OSBPL9: variants seen among roughly 807,000 people sequenced by gnomAD.
The protein encoded by OSBPL9 is oxysterol-binding protein-related protein 9.
Under a neutral mutation model 106.6 loss-of-function variants are expected in OSBPL9, and 40 were observed. The observed-to-expected ratio is 0.38, with a 90% CI of 0.29 to 0.49. OSBPL9 has a LOEUF of 0.49. OSBPL9 is among the 20% of genes least tolerant of loss of function. OSBPL9 has a pLI of 0.97. For synonymous variants in OSBPL9, 269 were observed against 295.4 expected (o/e 0.91, Z 0.92); for missense variants, 609 against 887.2 (o/e 0.69, Z 3.98).
Position 51,602,018 on chromosome 1 carries a change from C to CTTTTTTTTTTTTTTTTTT in OSBPL9, c.-353+3828_-353+3845dup, listed in dbSNP as rs758760414. Among the ~76,000 whole-genome samples, 60 of 76,398 alleles carry CTTTTTTTTTTTTTTTTTT rather than the reference C, an allele frequency of 7.9e-4. 11 individuals are homozygous for CTTTTTTTTTTTTTTTTTT. Among genetic ancestry groups the CTTTTTTTTTTTTTTTTTT allele is most frequent in the Non-Finnish European group, 9.3e-4 (41 of 44,194 alleles). 50.1% of individuals were successfully genotyped at this position (76,398 alleles called of 152,430 possible). On this transcript the variant is annotated intron_variant, in intron 2 of 25. Coordinates refer to the OSBPL9 transcript ENST00000371714. ...AGTCAATTGTTCCATTCTTGGGGTT[C>CTTTTTTTTTTTTTTTTTT]TTTTTTTTTTTTTTTTTTTTGAGAC...
intron 1 of OSBPL9, among the ~76,000 whole-genome samples, chr1:51,585,552 C>G (rs1453400304): frequency 6.6e-6 from 1 of 152,054 alleles, no homozygotes; most frequent in Non-Finnish European, 1.5e-5. Context: ...CCGAGGAAGG[C>G]AGATCACAAG....
At chr1:51,700,855 G>A (rs1043858699) in intron 3 of OSBPL9, among the ~76,000 whole-genome samples, 5 of 152,040 alleles carry the variant, frequency 3.3e-5, no homozygotes, top group African/African-American at 9.7e-5. Flanking sequence ...TTAGCCATTA[G>A]TGGATCTTGC....
At chr1:51,591,352 G>A (rs555890879) in intron 1 of OSBPL9, among the ~76,000 whole-genome samples, 3 of 152,248 alleles carry the variant, frequency 2.0e-5, no homozygotes, top group African/African-American at 2.4e-5. Flanking sequence ...GATTACAGGC[G>A]TGAGCCACCA....
the OSBPL9 span, among the ~76,000 whole-genome samples, chr1:51,549,726 G>A: frequency 9.8e-5 from 15 of 152,328 alleles, no homozygotes; most frequent in East Asian, 7.7e-4. Context: ...CAAGCTACTC[G>A]GGAGGCTGAG....
chr1:51,788,847 T>TATCTA lies in OSBPL9; in HGVS notation c.*1059_*1063dup, dbSNP rs1553199236. On this transcript the variant is annotated 3_prime_UTR_variant, in exon 24 of 24. Transcript: ENST00000428468. ...AGGGAAATACAGAACTATATCTATC[T>TATCTA]ATCTATCTATCATCTTTTTTATTTA... Among the ~76,000 whole-genome samples, 2 of 148,296 alleles carry TATCTA rather than the reference T, an allele frequency of 1.3e-5. No homozygotes were observed. Among genetic ancestry groups the TATCTA allele is most frequent in the African/African-American group, 2.6e-5 (1 of 37,922 alleles).
intron 3 of OSBPL9, among the ~76,000 whole-genome samples, chr1:51,677,197 A>G (rs1176071776): frequency 1.3e-5 from 2 of 152,300 alleles, no homozygotes; most frequent in Non-Finnish European, 2.9e-5. Flanking sequence ...TGAATCAGAA[A>G]CTTTGGGAAT....
intron 4 of OSBPL9, among the ~76,000 whole-genome samples, chr1:51,740,522 A>G (rs1331843121): frequency 6.6e-6 from 1 of 152,004 alleles, no homozygotes; most frequent in Non-Finnish European, 1.5e-5. Flanking sequence ...CTGATAACTT[A>G]CCTGTTTTTC....
chr1:51,662,945 C>T (rs1013375911), intron 2 of OSBPL9, among the ~76,000 whole-genome samples: 2 of 151,874 alleles, frequency 1.3e-5, no homozygotes, highest in Admixed American at 6.6e-5. Flanking sequence ...GGGGTTTCAC[C>T]GTGTTAGCCA....
chr1:51,577,764 T>C (rs1461503058), intron 1 of OSBPL9, among the ~76,000 whole-genome samples: 1 of 152,206 alleles, frequency 6.6e-6, no homozygotes, highest in Non-Finnish European at 1.5e-5. Context: ...AACAGCCCTG[T>C]GATGAATGTC....
At chr1:51,540,100 T>C in the OSBPL9 span, among the ~76,000 whole-genome samples, 1 of 152,172 alleles carries the variant, frequency 6.6e-6, no homozygotes, top group East Asian at 1.9e-4. Flanking sequence ...TTCTGAGAAA[T>C]GTCAAATATT....
chr1:51,520,671 C>T, the OSBPL9 span, among the ~76,000 whole-genome samples: 1 of 152,364 alleles, frequency 6.6e-6, no homozygotes, highest in African/African-American at 2.4e-5. Flanking sequence ...ATTATCATAG[C>T]AGTCCCCGTG....
chr1:51,624,648 GA>G (rs1303793340), intron 1 of OSBPL9, among the ~76,000 whole-genome samples: 1 of 151,902 alleles, frequency 6.6e-6, no homozygotes, highest in Non-Finnish European at 1.5e-5. Flanking sequence ...AAGACATAAA[GA>G]AACTCTCTAA....
At chr1:51,705,399 ATTTTT>A (rs869169566) in intron 3 of OSBPL9, among the ~76,000 whole-genome samples, 2 of 40,452 alleles carry the variant, frequency 4.9e-5, no homozygotes, top group African/African-American at 2.5e-4. Context: ...ATATATATAT[ATTTTT>A]TTTTTTTTTT....
At chr1:51,558,013 A>T in the OSBPL9 span, among the ~76,000 whole-genome samples, 1 of 152,170 alleles carries the variant, frequency 6.6e-6, no homozygotes, top group South Asian at 2.1e-4. Flanking sequence ...TTTAAAAAAA[A>T]ATCATGCCTG....
chr1:51,742,013 G>C (rs566607395), intron 4 of OSBPL9, among the ~76,000 whole-genome samples: 1 of 152,254 alleles, frequency 6.6e-6, no homozygotes, highest in South Asian at 2.1e-4. Flanking sequence ...TAGAGAATAG[G>C]AGAAAGAGAA....
chr1:51,603,338 T>G (rs1645332718), intron 2 of OSBPL9, among the ~76,000 whole-genome samples: 1 of 152,210 alleles, frequency 6.6e-6, no homozygotes, highest in South Asian at 2.1e-4. Flanking sequence ...AACAGTATTG[T>G]ATACAGATAA....
rs536251875 is a variant in OSBPL9, at chr1:51,695,630, G to A, written c.242-18373G>A. On this transcript the variant is annotated intron_variant, in intron 3 of 23. Transcript: ENST00000428468. Reference sequence around the variant, plus strand: ...GTTCAGCGAAAACAGAATGGGATGGGGTGAGTTTATTTAACGGAACTAGGG... The same window carrying A: ...GTTCAGCGAAAACAGAATGGGATGGAGTGAGTTTATTTAACGGAACTAGGG... Among the ~76,000 whole-genome samples the A allele has an allele frequency of 1.6e-4, 24 of 152,250 alleles. 1 individual carries two copies. The South Asian group carries it at 4.6e-3, about 29-fold the overall frequency.
intron 20 of OSBPL9, chr1:51,784,827 TAA>T (rs1557876442): frequency 3.9e-6 from 2 of 510,770 alleles, no homozygotes; most frequent in African/African-American, 3.9e-5. Context: ...AATGTTGAAC[TAA>T]AAGAGGCCTT....
chr1:51,667,785 G>T lies in OSBPL9; in HGVS notation c.163-1649G>T, dbSNP rs142415696. ...GAAGTGTGTCTGTATTTGCTGTCGTGGAATAGCTAGGTTCCATGCCAATGG... is the reference window on the plus strand; with the variant it reads ...GAAGTGTGTCTGTATTTGCTGTCGTTGAATAGCTAGGTTCCATGCCAATGG... On this transcript the variant is annotated intron_variant, in intron 2 of 23. Transcript: ENST00000428468. 2.0e-5 allele frequency among the ~76,000 whole-genome samples: 3 copies of T among 152,312 alleles called. No homozygotes were observed. The East Asian group carries it at 5.8e-4, about 29-fold the overall frequency.
Sources: gnomAD v4.1 joint callset for allele counts (sites outside exome capture counted in the v4.1 genomes callset) on GRCh38, gnomAD v4.1.1 for gene constraint, MANE v1.5 for transcripts, NCBI Gene and HGNC (gene_info 2026-07-23, HGNC 2026-07-21) for gene names.